The following MBNL1 variants were observed in gnomAD, a reference collection of about 807,000 sequenced individuals.
The protein encoded by MBNL1 is muscleblind like splicing regulator 1.
A neutral mutation model predicts 42.2 loss-of-function variants in MBNL1; 8 were observed. The observed-to-expected ratio is 0.19, with a 90% CI of 0.11 to 0.34. MBNL1 has a LOEUF of 0.34. Among genes scored for constraint, MBNL1 ranks in the 10% least tolerant of loss-of-function variants. The pLI is 1.00. For missense variants in MBNL1, 309 were observed against 495.3 expected, an observed-to-expected ratio of 0.62 and a Z score of 3.57; for synonymous variants, 169 against 173.9, an observed-to-expected ratio of 0.97 and a Z score of 0.22.
At chr3:152,404,678 G>T (rs189587801) in intron 2 of MBNL1, among the ~76,000 whole-genome samples, 1 of 150,804 alleles carries the variant, frequency 6.6e-6, no homozygotes, top group Non-Finnish European at 1.5e-5. Context: ...TTATGTGTTT[G>T]TATGTATGTT....
Position 152,445,542 on chromosome 3 carries a change from G to A in MBNL1, c.807+3G>A, listed in dbSNP as rs2099209857. On this transcript the variant is annotated splice_donor_region_variant and intron_variant, in intron 5 of 9. Transcript: ENST00000324210. ...CTGCAGCCACCGCAGCTGCCATGGT[G>A]AGTAGAGATATCAGCTCTCTCCTTG... 1.2e-6 allele frequency: 2 copies of A among 1,610,072 alleles called. No homozygotes were observed. The highest frequency in any genetic ancestry group is 1.3e-5 in the African/African-American group (1 of 74,614).
chr3:152,439,490 T>A (rs1269533240), intron 4 of MBNL1, among the ~76,000 whole-genome samples: 1 of 152,212 alleles, frequency 6.6e-6, no homozygotes, highest in East Asian at 1.9e-4. Context: ...TGTGTGACTT[T>A]TTTTACTATC....
chr3:152,429,017 TGCCAG>T (rs373721448), intron 3 of MBNL1, among the ~76,000 whole-genome samples: 50 of 152,344 alleles, frequency 3.3e-4, no homozygotes, highest in African/African-American at 1.1e-3. Context: ...GCCTACTGTG[TGCCAG>T]GCATTGTTCC....
At chr3:152,407,329 G>A (rs1327859771) in intron 2 of MBNL1, among the ~76,000 whole-genome samples, 1 of 145,256 alleles carries the variant, frequency 6.9e-6, no homozygotes, top group Non-Finnish European at 1.5e-5. Context: ...TGAATAAATA[G>A]CAATTTACAT....
chr3:152,356,043 C>G (rs1391872416), intron 2 of MBNL1, among the ~76,000 whole-genome samples: 1 of 152,156 alleles, frequency 6.6e-6, no homozygotes, highest in Non-Finnish European at 1.5e-5. Flanking sequence ...GCCTCCATTT[C>G]CCACTCTTTG....
In MBNL1 at chr3:152,463,803, A is replaced by G. The variant is rs892934490; in HGVS notation, c.*1437A>G. 2.0e-5 allele frequency: 3 copies of G among 152,564 alleles called. No homozygotes were observed. Among genetic ancestry groups the G allele is most frequent in the East Asian group, 1.9e-4 (1 of 5,196 alleles). The allele number at this position is 152,564 out of a possible 1,614,324, so 9.5% of individuals were successfully genotyped here. A position where few individuals can be genotyped will look rare whatever the true frequency, so the allele number is the denominator to read the frequency against. On this transcript the variant is annotated 3_prime_UTR_variant, in exon 10 of 10. Coordinates refer to ENST00000324210, the MANE Select transcript of MBNL1 (RefSeq NM_021038.5). ...AAAGGATATTTTTGCTCTGTTCAGC[A>G]GTTCTAAAAATTGCTGAAGTAGGGG...
At chr3:152,456,137 G>T in intron 7 of MBNL1, 130 bp from the exon 8 acceptor site, 2 of 671,498 alleles carry the variant, frequency 3.0e-6, no homozygotes, top group African/African-American at 1.7e-5. Flanking sequence ...TCACTCGCTG[G>T]TGATGATGTC....
At chr3:152,276,216 T>A (rs1260745979) in intron 1 of MBNL1, among the ~76,000 whole-genome samples, 1 of 152,186 alleles carries the variant, frequency 6.6e-6, no homozygotes, top group Non-Finnish European at 1.5e-5. Flanking sequence ...ATATAAAGAA[T>A]AGCGATGAGA....
chr3:152,386,040 C>A (rs1579231957), intron 2 of MBNL1, among the ~76,000 whole-genome samples: 2 of 152,010 alleles, frequency 1.3e-5, no homozygotes, highest in Non-Finnish European at 2.9e-5. Context: ...TTGTAATGAT[C>A]TTCCCCTTGG....
At chr3:152,444,310 T>C (rs2099189079) in intron 4 of MBNL1, among the ~76,000 whole-genome samples, 1 of 152,132 alleles carries the variant, frequency 6.6e-6, no homozygotes. Context: ...GAATGAGAAA[T>C]AATGTTCTCG....
chr3:152,409,559 A>G (rs2098517911), intron 2 of MBNL1, among the ~76,000 whole-genome samples: 1 of 152,208 alleles, frequency 6.6e-6, no homozygotes, highest in African/African-American at 2.4e-5. Context: ...ATACCCAGAA[A>G]GTGCTCCAAA....
At chr3:152,304,620 C>T (rs1386181950) in intron 2 of MBNL1, among the ~76,000 whole-genome samples, 2 of 152,152 alleles carry the variant, frequency 1.3e-5, no homozygotes, top group Non-Finnish European at 2.9e-5. Context: ...GACAGATTGA[C>T]ATATCACTTC....
intron 2 of MBNL1, among the ~76,000 whole-genome samples, chr3:152,411,675 C>G (rs955009279): frequency 6.6e-6 from 1 of 152,004 alleles, no homozygotes; most frequent in Non-Finnish European, 1.5e-5. Flanking sequence ...CTTTAGATAC[C>G]GATGAATTTC....
intron 1 of MBNL1, among the ~76,000 whole-genome samples, chr3:152,273,183 A>C (rs537580907): frequency 4.6e-5 from 7 of 152,302 alleles, no homozygotes; most frequent in African/African-American, 1.7e-4. Flanking sequence ...ATATTCACTA[A>C]TGGTTGGAGA....
chr3:152,373,178 T>TA, intron 2 of MBNL1, among the ~76,000 whole-genome samples: 1 of 152,048 alleles, frequency 6.6e-6, no homozygotes, highest in East Asian at 1.9e-4. Flanking sequence ...CAGGTCGACT[T>TA]CAGACTGCTG....
chr3:152,321,194 C>T (rs2076275090), intron 2 of MBNL1, among the ~76,000 whole-genome samples: 1 of 151,974 alleles, frequency 6.6e-6, no homozygotes, highest in South Asian at 2.1e-4. Flanking sequence ...GAGGAGAAAC[C>T]TACATTTATC....
intron 3 of MBNL1, among the ~76,000 whole-genome samples, chr3:152,431,227 C>T (rs551197918): frequency 1.4e-4 from 21 of 152,126 alleles, no homozygotes; most frequent in Non-Finnish European, 2.8e-4. Flanking sequence ...TGGCGTCCAT[C>T]CATTGAATAT....
chr3:152,425,632 G>A lies in MBNL1; in HGVS notation c.346-7085G>A, dbSNP rs373665192. On this transcript the variant is annotated intron_variant, in intron 3 of 9. Transcript: ENST00000324210. ...CAGAAAAAAAAAAAAAGAAAGAAAT[G>A]CAAATCAAAACCACAATGAGATAGC... Among the ~76,000 whole-genome samples, 35 of 151,870 alleles carry A rather than the reference G, an allele frequency of 2.3e-4. No individual in the cohort carries two copies. The South Asian group carries it at 7.3e-3, about 32-fold the overall frequency.
In MBNL1 at chr3:152,445,538, T is replaced by C; in HGVS notation, c.806T>C (p.Met269Thr). The C allele has an allele frequency of 6.2e-7, 1 of 1,611,496 alleles. No individual in the cohort carries two copies. The highest frequency in any genetic ancestry group is 8.5e-7 in the Non-Finnish European group (1 of 1,178,712). Residue 269 changes from methionine (M) to threonine (T), a missense_variant and splice_region_variant, in exon 5 of 10, where the codon ATG becomes ACG. Met to Thr is a moderately conservative substitution (Grantham distance 81, BLOSUM62 -1). Transcript: ENST00000324210. ...CAGGCTGCAGCCACCGCAGCTGCCA[T>C]GGTGAGTAGAGATATCAGCTCTCTC... Reference protein sequence around the residue: ...AAQAAATAAAMGIPQAVLPPL... With the variant: ...AAQAAATAAATGIPQAVLPPL...
Sources: allele counts gnomAD v4.1 joint callset (sites outside exome capture counted in the v4.1 genomes callset), GRCh38; gene constraint gnomAD v4.1.1; transcripts MANE v1.5; gene names NCBI Gene and HGNC (gene_info 2026-07-23, HGNC 2026-07-21).